The following NPHP4 variants were observed in gnomAD, a reference collection of about 807,000 sequenced individuals.
NPHP4 encodes nephrocystin-4.
In NPHP4, 151 loss-of-function variants were observed where a neutral mutation model predicts 155.8. That is an observed-to-expected ratio of 0.97 (90% CI 0.85 to 1.11). NPHP4 has a LOEUF of 1.11. Among genes scored for constraint, NPHP4 ranks in the 50% least tolerant of loss-of-function variants. The probability of loss-of-function intolerance (pLI) is 0.00; values close to 1 mark genes in which losing one functional copy is unlikely to be tolerated. For synonymous variants in NPHP4, 845 were observed against 816.8 expected (o/e 1.03, Z -0.59); for missense variants, 1,956 against 1,925.7 (o/e 1.02, Z -0.29).
intron 11 of NPHP4, among the ~76,000 whole-genome samples, chr1:5,913,246 C>T (rs1645284393): frequency 6.6e-6 from 1 of 151,888 alleles, no homozygotes; most frequent in Admixed American, 6.6e-5. Context: ...GGGTTGCCAG[C>T]ACACACCTCT....
intron 17 of NPHP4, chr1:5,888,513 C>T: frequency 1.5e-6 from 2 of 1,296,384 alleles, no homozygotes; most frequent in South Asian, 2.5e-5. Context: ...ACCCTGGTCG[C>T]TTTGCCACAC....
intron 5 of NPHP4, 55 bp downstream of exon 5, chr1:5,967,244 A>C (rs936848077): frequency 7.5e-7 from 1 of 1,340,458 alleles, no homozygotes; most frequent in Non-Finnish European, 1.1e-6. Flanking sequence ...GGTGGGGAAC[A>C]CTCAGGGAAG....
intron 3 of NPHP4, among the ~76,000 whole-genome samples, chr1:5,970,235 G>T (rs941220627): frequency 2.6e-5 from 4 of 152,148 alleles, no homozygotes; most frequent in Non-Finnish European, 5.9e-5. Context: ...CTGGGGTGGT[G>T]GCTCGCACCT....
At chr1:5,895,520 A>G (rs1374831176) in intron 16 of NPHP4, among the ~76,000 whole-genome samples, 4 of 152,054 alleles carry the variant, frequency 2.6e-5, no homozygotes, top group Non-Finnish European at 5.9e-5. Flanking sequence ...AAAACAAAAC[A>G]CAACAAAAAA....
rs779796359 is a variant in NPHP4 at position 5,867,833 on chromosome 1, G to A, written c.3379C>T (p.Pro1127Ser). 44 of 1,613,788 alleles carry A rather than the reference G, an allele frequency of 2.7e-5. No homozygotes were observed. The highest frequency in any genetic ancestry group is 3.6e-5 in the Non-Finnish European group (43 of 1,179,870). Residue 1127 changes from proline (P) to serine (S), a missense_variant, in exon 24 of 30, where the codon CCC (proline) becomes TCC (serine). Coordinates refer to ENST00000378156, the MANE Select transcript of NPHP4 (RefSeq NM_015102.5). This position sits in a 1 kb window ranked among gnomAD's most constrained non-coding sequence, Gnocchi z 4.1. The stretch of plus-strand genomic sequence containing the variant: ...CGGAAGACCTGGTCCACCACGTGGG[G>A]CTGCAGCTCCACAGTCAGGCAGAGC... ...AVLCLTVELQ[P>S]HVVDQVFRFY...
chr1:5,990,305 A>G (rs1181365575), intron 1 of NPHP4, among the ~76,000 whole-genome samples: 3 of 152,316 alleles, frequency 2.0e-5, no homozygotes, highest in Admixed American at 6.5e-5. Flanking sequence ...CTGGGTCTTC[A>G]GCAAAAGTCT....
intron 26 of NPHP4, 191 bp from the exon 27 acceptor site, chr1:5,865,464 G>A: frequency 2.0e-6 from 1 of 512,340 alleles, no homozygotes; most frequent in East Asian, 3.0e-5. Flanking sequence ...CCAGGAGGCA[G>A]AGCTAGGGCC....
chr1:5,967,390 C>G, intron 4 of NPHP4, 27 bp from the exon 5 acceptor site: 2 of 1,571,168 alleles, frequency 1.3e-6, no homozygotes, highest in Non-Finnish European at 1.7e-6. Flanking sequence ...AGAGAACAGT[C>G]GTCAGCCACG....
rs758275952 is a variant in NPHP4, at chr1:5,867,887, G to A, written c.3325C>T (p.Arg1109Ter). Residue 1109 changes from arginine to a stop codon, truncating the protein, a stop_gained, in exon 24 of 30, where the codon CGA becomes TGA. Coordinates refer to ENST00000378156, the MANE Select transcript of NPHP4 (RefSeq NM_015102.5). LOFTEE classifies it high-confidence loss of function. This position sits in a 1 kb window ranked among gnomAD's most constrained non-coding sequence, Gnocchi z 4.1. ...VPTKHAKVLF[R>*]ASGGKPIAVL... ...GCGATGGGCTTGCCACCACTCGCTCGGAACAAGACCTGTGAGGAGGCCACG... is the reference window on the plus strand; with the variant it reads ...GCGATGGGCTTGCCACCACTCGCTCAGAACAAGACCTGTGAGGAGGCCACG... 21 of 1,613,852 alleles carry A rather than the reference G, an allele frequency of 1.3e-5. No homozygotes were observed. The highest frequency in any genetic ancestry group is 2.7e-5 in the African/African-American group (2 of 74,930).
At chr1:5,884,317 TCTC>T (rs1392077343) in intron 18 of NPHP4, among the ~76,000 whole-genome samples, 1 of 151,972 alleles carries the variant, frequency 6.6e-6, no homozygotes, top group Non-Finnish European at 1.5e-5. Context: ...ACCACCCAGT[TCTC>T]CTAGGATGTC....
chr1:5,980,306 T>C (rs1364353088), intron 2 of NPHP4, among the ~76,000 whole-genome samples: 1 of 152,180 alleles, frequency 6.6e-6, no homozygotes, highest in African/African-American at 2.4e-5. Context: ...CCTGATCCGC[T>C]GGCCTCACCA....
At chr1:5,920,805 T>C (rs1197534964) in intron 11 of NPHP4, among the ~76,000 whole-genome samples, 1 of 152,268 alleles carries the variant, frequency 6.6e-6, no homozygotes, top group African/African-American at 2.4e-5. Context: ...GCCTGAGGTC[T>C]GTCTTCTAAC....
intron 5 of NPHP4, among the ~76,000 whole-genome samples, 200 bp downstream of exon 5, chr1:5,967,099 C>T (rs1651662248): frequency 6.6e-6 from 1 of 152,254 alleles, no homozygotes; most frequent in Admixed American, 6.5e-5. Context: ...CAATGCCCTC[C>T]CTCAGGGCTG....
intron 1 of NPHP4, among the ~76,000 whole-genome samples, chr1:5,991,910 C>A (rs1420899096): frequency 1.1e-5 from 1 of 87,766 alleles, no homozygotes; most frequent in Non-Finnish European, 2.0e-5. Flanking sequence ...AGCCGAGGGG[C>A]TGCAGAGAGG....
In NPHP4 at chr1:5,905,400, G is replaced by A. The variant is rs1644865426; in HGVS notation, c.1847C>T (p.Pro616Leu). 6.2e-7 allele frequency: 1 copy of A among 1,613,568 alleles called. No individual in the cohort carries two copies. The part of the protein sequence containing the change: ...FPEILDANKQ[P>L]AEAVSATEPV... ...TTCTGTAGCGCTGACAGCCTCGGCTGGCTGTTTATTGGCATCCAGAATCTC... is the reference window on the plus strand; with the variant it reads ...TTCTGTAGCGCTGACAGCCTCGGCTAGCTGTTTATTGGCATCCAGAATCTC... Residue 616 changes from proline to leucine, a missense_variant, in exon 15 of 30, where the codon CCA (proline) becomes CTA (leucine). Transcript: ENST00000378156. This position sits in a 1 kb window ranked among gnomAD's most constrained non-coding sequence, Gnocchi z 4.0.
intron 6 of NPHP4, among the ~76,000 whole-genome samples, chr1:5,955,844 G>A (rs891569291): frequency 2.6e-5 from 4 of 152,226 alleles, no homozygotes; most frequent in Middle Eastern, 3.4e-3. Context: ...GTAAGTTCCC[G>A]TAAAATACAA....
Position 5,907,818 on chromosome 1 carries a change from T to G in NPHP4, c.1504-596A>C, listed in dbSNP as rs974295438. On this transcript the variant is annotated intron_variant, in intron 12 of 29. Coordinates refer to ENST00000378156, the MANE Select transcript of NPHP4 (RefSeq NM_015102.5). Reference sequence around the variant, plus strand: ...ATGGGGGTAATAATAGTACCTAAACTGCAGGACTGTTAGGAGAATTAAATG... The same window carrying G: ...ATGGGGGTAATAATAGTACCTAAACGGCAGGACTGTTAGGAGAATTAAATG... Among the ~76,000 whole-genome samples the G allele has an allele frequency of 7.2e-5, 11 of 152,218 alleles. 1 individual carries two copies. Among genetic ancestry groups the G allele is most frequent in the Admixed American group, 6.5e-4 (10 of 15,284 alleles).
chr1:5,953,100 G>A (rs1312075917), intron 6 of NPHP4, among the ~76,000 whole-genome samples: 2 of 140,032 alleles, frequency 1.4e-5, no homozygotes, highest in African/African-American at 2.4e-5. Context: ...TTGTTTTTCT[G>A]CTTGTTTGTT....
intron 11 of NPHP4, among the ~76,000 whole-genome samples, chr1:5,920,262 T>C (rs1384530819): frequency 6.6e-6 from 1 of 152,062 alleles, no homozygotes; most frequent in African/African-American, 2.4e-5. Flanking sequence ...GGCCTTGCTA[T>C]GTTACCCAGG....
Sources: allele counts gnomAD v4.1 joint callset (sites outside exome capture counted in the v4.1 genomes callset), GRCh38; gene constraint gnomAD v4.1.1; non-coding constraint Gnocchi (gnomAD v3.1); transcripts MANE v1.5; gene names NCBI Gene and HGNC (gene_info 2026-07-23, HGNC 2026-07-21).